ARHGAP44: variants seen among roughly 807,000 people sequenced by gnomAD.
ARHGAP44 encodes the protein rho GTPase-activating protein 44.
In ARHGAP44, 43 loss-of-function variants were observed where a neutral mutation model predicts 106.8. That is an observed-to-expected ratio of 0.40 (90% CI 0.32 to 0.52). The LOEUF (loss-of-function observed/expected upper bound fraction) is 0.52. ARHGAP44 is among the 20% of genes least tolerant of loss of function. The pLI is 0.48. For synonymous variants in ARHGAP44, 439 were observed against 410.3 expected, an observed-to-expected ratio of 1.07 and a Z score of -0.85; for missense variants, 866 against 1,050.5, an observed-to-expected ratio of 0.82 and a Z score of 2.43.
chr17:12,894,931 T>C lies in ARHGAP44; in HGVS notation c.54-9T>C. 1 of 1,581,844 alleles carries C rather than the reference T, an allele frequency of 6.3e-7. No individual in the cohort carries two copies. The highest frequency in any genetic ancestry group is 8.6e-7 in the Non-Finnish European group (1 of 1,162,826). ...TTGTTACTGATATGTTTCTCAATGT[T>C]CTTTTTAGGGCTGAAAAGACAGAAG... On this transcript the variant is annotated splice_polypyrimidine_tract_variant and intron_variant, in intron 1 of 20. Coordinates refer to ENST00000379672, the MANE Select transcript of ARHGAP44 (RefSeq NM_014859.6).
chr17:12,804,937 A>G (rs1028233296), intron 1 of ARHGAP44, among the ~76,000 whole-genome samples: 7 of 152,174 alleles, frequency 4.6e-5, no homozygotes, highest in Admixed American at 3.9e-4. Flanking sequence ...AGCTTCCTCC[A>G]TCATTCTTGA....
At chr17:12,799,622 C>G (rs1383801980) in intron 1 of ARHGAP44, among the ~76,000 whole-genome samples, 1 of 152,134 alleles carries the variant, frequency 6.6e-6, no homozygotes, top group Non-Finnish European at 1.5e-5. Flanking sequence ...TCTTCTTTCT[C>G]TCCGCTTCCA....
chr17:12,954,755 T>G (rs75936430), intron 13 of ARHGAP44, among the ~76,000 whole-genome samples: 15,936 of 152,196 alleles, frequency 0.1, 1,036 homozygotes, highest in Non-Finnish European at 0.14. Context: ...ATTTTTAGTG[T>G]GGTTTGCCAG....
In ARHGAP44 at chr17:12,789,910, C is replaced by T; in HGVS notation, c.53+19C>T. The stretch of plus-strand genomic sequence containing the variant: ...TGGGCAGGTAGGTCACCCGCGGGCA[C>T]CGCTGTCGGTGCGCGCCCGCGAGGC... On this transcript the variant is annotated intron_variant, in intron 1 of 20. Coordinates refer to ENST00000379672, the MANE Select transcript of ARHGAP44 (RefSeq NM_014859.6). 1.3e-6 allele frequency: 2 copies of T among 1,510,758 alleles called. No individual in the cohort carries two copies. Among genetic ancestry groups the T allele is most frequent in the Non-Finnish European group, 1.8e-6 (2 of 1,131,270 alleles). The allele number at this position is 1,510,758 out of a possible 1,614,324, so 93.6% of individuals were successfully genotyped here.
At chr17:12,879,875 C>A (rs922667297) in intron 1 of ARHGAP44, among the ~76,000 whole-genome samples, 5 of 151,676 alleles carry the variant, frequency 3.3e-5, no homozygotes, top group African/African-American at 1.2e-4. Context: ...CATATGTAGT[C>A]AATTAACACA....
chr17:12,974,991 A>G (rs565447811), intron 18 of ARHGAP44, among the ~76,000 whole-genome samples: 7 of 152,028 alleles, frequency 4.6e-5, no homozygotes, highest in South Asian at 2.1e-4. Context: ...CTGGGATTAC[A>G]GGCATGTGCC....
At chr17:12,800,320 T>C (rs891133938) in intron 1 of ARHGAP44, among the ~76,000 whole-genome samples, 3 of 152,232 alleles carry the variant, frequency 2.0e-5, no homozygotes, top group Non-Finnish European at 4.4e-5. Flanking sequence ...TTGTAATGGC[T>C]TCACTCATTG....
chr17:12,935,727 C>T (rs1039365449), intron 7 of ARHGAP44, among the ~76,000 whole-genome samples: 1 of 151,954 alleles, frequency 6.6e-6, no homozygotes, highest in Non-Finnish European at 1.5e-5. Context: ...TTTTAGTAAA[C>T]AACAGAATTG....
chr17:12,844,163 C>T (rs149356677), intron 1 of ARHGAP44, among the ~76,000 whole-genome samples: 2 of 150,244 alleles, frequency 1.3e-5, no homozygotes, highest in East Asian at 2.0e-4. Context: ...GTAGAGCTCA[C>T]TCATCTTTTT....
At chr17:12,984,115 G>A (rs144741955) in intron 19 of ARHGAP44, among the ~76,000 whole-genome samples, 3 of 152,266 alleles carry the variant, frequency 2.0e-5, no homozygotes, top group African/African-American at 7.2e-5. Flanking sequence ...ACAGCAAATT[G>A]AACTGGAGTC....
At chr17:12,941,603 G>A (rs2038710607) in intron 8 of ARHGAP44, among the ~76,000 whole-genome samples, 1 of 152,082 alleles carries the variant, frequency 6.6e-6, no homozygotes, top group Non-Finnish European at 1.5e-5. Flanking sequence ...AAATAGGAAG[G>A]CAATTCCTTC....
At chr17:12,903,937 AG>A (rs1292486142) in intron 3 of ARHGAP44, among the ~76,000 whole-genome samples, 4 of 152,150 alleles carry the variant, frequency 2.6e-5, no homozygotes, top group African/African-American at 9.7e-5. Flanking sequence ...GAGCAGATAA[AG>A]TCCCTTCACC....
chr17:12,831,691 C>T (rs1376021428), intron 1 of ARHGAP44, among the ~76,000 whole-genome samples: 1 of 152,132 alleles, frequency 6.6e-6, no homozygotes, highest in African/African-American at 2.4e-5. Flanking sequence ...TTGAGAAAGA[C>T]ACTCCTGAAT....
intron 4 of ARHGAP44, among the ~76,000 whole-genome samples, chr17:12,914,545 A>C (rs559236491): frequency 5.3e-4 from 81 of 152,222 alleles, no homozygotes; most frequent in Admixed American, 1.8e-3. Context: ...CTGTAGTCCC[A>C]GCACTTTGGG....
At chr17:12,862,413 G>A (rs572034449) in intron 1 of ARHGAP44, among the ~76,000 whole-genome samples, 2 of 152,118 alleles carry the variant, frequency 1.3e-5, no homozygotes, top group South Asian at 2.1e-4. Flanking sequence ...AGTTGGTAAC[G>A]CAGGCACAAC....
chr17:12,941,372 G>A (rs1178088493), intron 8 of ARHGAP44, among the ~76,000 whole-genome samples: 3 of 152,056 alleles, frequency 2.0e-5, no homozygotes, highest in African/African-American at 7.2e-5. Context: ...GAATAATTTT[G>A]TTCCTTCTCT....
chr17:12,870,929 T>TTCTC (rs1456661732), intron 1 of ARHGAP44, among the ~76,000 whole-genome samples: 1 of 152,192 alleles, frequency 6.6e-6, no homozygotes, highest in Non-Finnish European at 1.5e-5. Context: ...TTTTCTTTCC[T>TTCTC]TCTCTACTTT....
chr17:12,944,176 G>C lies in ARHGAP44; in HGVS notation c.841G>C (p.Glu281Gln), dbSNP rs758810127. The change falls in exon 10 of 21, where the codon GAG becomes CAG. Residue 281 changes from glutamate (E) to glutamine (Q), a missense_variant. Glu to Gln is a conservative substitution (Grantham distance 29). Transcript: ENST00000379672. ...CGAGGCGTGTGTGACCATGCTGCTT[G>C]AGTGTGGGATGCAGGAGGAGGTAGG... ...PIEACVTMLL[E>Q]CGMQEEGLFR... 6.2e-7 allele frequency: 1 copy of C among 1,611,078 alleles called. No homozygotes were observed. The highest frequency in any genetic ancestry group is 1.7e-5 in the Admixed American group (1 of 59,976).
chr17:12,900,715 TACTC>T (rs2037349717), intron 3 of ARHGAP44, among the ~76,000 whole-genome samples: 1 of 152,078 alleles, frequency 6.6e-6, no homozygotes, highest in Non-Finnish European at 1.5e-5. Context: ...GCAAGCATCA[TACTC>T]ACAGTGCATT....
Sources: allele counts gnomAD v4.1 joint callset (sites outside exome capture counted in the v4.1 genomes callset), GRCh38; gene constraint gnomAD v4.1.1; transcripts MANE v1.5; gene names NCBI Gene and HGNC (gene_info 2026-07-23, HGNC 2026-07-21).